GSG1L: variants seen among roughly 807,000 people sequenced by gnomAD.
GSG1L encodes the protein germ cell-specific gene 1-like protein.
In GSG1L, 24 loss-of-function variants were observed where a neutral mutation model predicts 42.1. The ratio of observed to expected loss-of-function variants is 0.57; its 90% CI spans 0.41 to 0.80. The LOEUF is 0.80. GSG1L is among the 30% of genes least tolerant of loss of function. GSG1L has a pLI of 0.00. For synonymous variants in GSG1L, 215 were observed against 203.5 expected (o/e 1.06, Z -0.48); for missense variants, 445 against 472.2 (o/e 0.94, Z 0.53).
At chr16:27,945,432 A>G (rs2084850119) in intron 2 of GSG1L, among the ~76,000 whole-genome samples, 1 of 152,084 alleles carries the variant, frequency 6.6e-6, no homozygotes, top group South Asian at 2.1e-4. Context: ...AGAAATCACT[A>G]GCCCCTCCCC....
intron 1 of GSG1L, among the ~76,000 whole-genome samples, chr16:27,968,092 T>C (rs2141113156): frequency 6.6e-6 from 1 of 152,254 alleles, no homozygotes; most frequent in Admixed American, 6.5e-5. Flanking sequence ...TTTTGCCTAT[T>C]AGGGGCCCTT....
intron 2 of GSG1L, among the ~76,000 whole-genome samples, chr16:27,954,282 T>C (rs192305641): frequency 4.9e-4 from 75 of 151,872 alleles, no homozygotes; most frequent in African/African-American, 1.7e-3. Context: ...GAGATAACAA[T>C]AGAAAAAAAA....
At chr16:27,807,981 T>A (rs1471712023) in intron 5 of GSG1L, among the ~76,000 whole-genome samples, 2 of 152,250 alleles carry the variant, frequency 1.3e-5, no homozygotes, top group Non-Finnish European at 2.9e-5. Flanking sequence ...ACGGTGATTA[T>A]CCCTACATAA....
At chr16:27,900,649 C>T (rs920049920) in intron 2 of GSG1L, among the ~76,000 whole-genome samples, 1 of 152,160 alleles carries the variant, frequency 6.6e-6, no homozygotes, top group Non-Finnish European at 1.5e-5. Context: ...ATGGTGCCTA[C>T]GTCTATCTGA....
At chr16:28,031,874 A>G (rs901303084) in intron 1 of GSG1L, among the ~76,000 whole-genome samples, 4 of 152,186 alleles carry the variant, frequency 2.6e-5, no homozygotes, top group Admixed American at 2.0e-4. Flanking sequence ...GAGAGCAGCC[A>G]CTCCACAGAG....
At chr16:27,817,028 T>C (rs937589106) in intron 5 of GSG1L, among the ~76,000 whole-genome samples, 16 of 152,008 alleles carry the variant, frequency 1.1e-4, no homozygotes, top group Non-Finnish European at 1.9e-4. Context: ...GGAGGCTGGG[T>C]GTTTGCTCTT....
chr16:27,891,576 G>T (rs572847140), intron 2 of GSG1L, among the ~76,000 whole-genome samples: 86 of 152,102 alleles, frequency 5.7e-4, no homozygotes, highest in Non-Finnish European at 1.1e-3. Flanking sequence ...GAGCTCAAGC[G>T]ATCCTACCGC....
At chr16:28,006,946 G>GACA (rs924425677) in intron 1 of GSG1L, among the ~76,000 whole-genome samples, 5 of 152,036 alleles carry the variant, frequency 3.3e-5, no homozygotes, top group African/African-American at 1.2e-4. Flanking sequence ...TCTAAAAGCA[G>GACA]ACAAAAAAAG....
At chr16:27,799,556 C>T (rs2082859381) in intron 6 of GSG1L, among the ~76,000 whole-genome samples, 1 of 151,870 alleles carries the variant, frequency 6.6e-6, no homozygotes, top group African/African-American at 2.4e-5. Flanking sequence ...AAAAACAAAA[C>T]AAAACAAAAC....
chr16:28,018,333 A>G (rs2085803193), intron 1 of GSG1L, among the ~76,000 whole-genome samples: 1 of 152,212 alleles, frequency 6.6e-6, no homozygotes, highest in Non-Finnish European at 1.5e-5. Context: ...CTAAGTCTGC[A>G]ATTCTCTGAG....
chr16:27,889,620 A>G (rs139292441), intron 2 of GSG1L, among the ~76,000 whole-genome samples: 2 of 152,262 alleles, frequency 1.3e-5, no homozygotes, highest in Non-Finnish European at 2.9e-5. Flanking sequence ...CCATCAATGC[A>G]TGACTGACCA....
chr16:27,797,540 G>A (rs6498037), intron 6 of GSG1L, among the ~76,000 whole-genome samples: 59,997 of 112,498 alleles, frequency 0.53, 13,667 homozygotes, highest in Admixed American at 0.62. Flanking sequence ...AAAAAAAAAA[G>A]GGCCGGGCGC....
At chr16:27,826,816 C>T (rs993110123) in intron 5 of GSG1L, among the ~76,000 whole-genome samples, 9 of 152,196 alleles carry the variant, frequency 5.9e-5, no homozygotes, top group Non-Finnish European at 1.2e-4. Context: ...GGCTGAGAGT[C>T]ACATGGACTT....
chr16:28,021,337 G>C (rs1010410733), intron 1 of GSG1L, among the ~76,000 whole-genome samples: 1 of 152,086 alleles, frequency 6.6e-6, no homozygotes, highest in Non-Finnish European at 1.5e-5. Context: ...TTTGCCCAAG[G>C]TCACACCACT....
At chr16:27,969,006 G>A (rs901223524) in intron 1 of GSG1L, among the ~76,000 whole-genome samples, 1 of 152,114 alleles carries the variant, frequency 6.6e-6, no homozygotes, top group African/African-American at 2.4e-5. Flanking sequence ...CTACTCAGGA[G>A]GCTGAGGCAG....
chr16:27,882,307 T>C (rs1331156574), intron 3 of GSG1L, among the ~76,000 whole-genome samples: 1 of 152,172 alleles, frequency 6.6e-6, no homozygotes, highest in Non-Finnish European at 1.5e-5. Flanking sequence ...TAAACTTCTC[T>C]CTTTATAAAT....
intron 1 of GSG1L, among the ~76,000 whole-genome samples, chr16:28,049,651 C>A (rs1334263167): frequency 6.6e-6 from 1 of 151,196 alleles, no homozygotes; most frequent in Non-Finnish European, 1.5e-5. Context: ...TGCACCACTG[C>A]ACTCCAGCCT....
At chr16:27,896,781 G>T (rs2084196891) in intron 2 of GSG1L, among the ~76,000 whole-genome samples, 1 of 152,208 alleles carries the variant, frequency 6.6e-6, no homozygotes, top group Admixed American at 6.5e-5. Context: ...GCGGCCTCTA[G>T]AAGACAGAAA....
intron 1 of GSG1L, among the ~76,000 whole-genome samples, chr16:28,024,254 T>C (rs1163548669): frequency 6.6e-6 from 1 of 152,138 alleles, no homozygotes; most frequent in Non-Finnish European, 1.5e-5. Context: ...GCTCTGGGGC[T>C]GGCAGAGATT....
Sources: gnomAD v4.1 joint callset for allele counts (sites outside exome capture counted in the v4.1 genomes callset) on GRCh38, gnomAD v4.1.1 for gene constraint, MANE v1.5 for transcripts, NCBI Gene and HGNC (gene_info 2026-07-23, HGNC 2026-07-21) for gene names.